The following SDK1 variants were observed in gnomAD, a reference collection of about 807,000 sequenced individuals.
SDK1 encodes the protein sidekick cell adhesion molecule 1, also known as protein sidekick-1.
Under a neutral mutation model 245.5 loss-of-function variants are expected in SDK1, and 157 were observed. The observed-to-expected ratio is 0.64, with a 90% CI of 0.56 to 0.73. The LOEUF is 0.73. Ranked by LOEUF, SDK1 falls within the 30% of genes least tolerant of loss-of-function variation. The pLI is 0.00. For missense variants in SDK1, 3,583 were observed against 3,002.3 expected, an observed-to-expected ratio of 1.19 and a Z score of -4.52; for synonymous variants, 1,647 against 1,278.5, an observed-to-expected ratio of 1.29 and a Z score of -6.15.
At chr7:4,244,513 C>G (rs937976802) in intron 43 of SDK1, among the ~76,000 whole-genome samples, 1 of 152,216 alleles carries the variant, frequency 6.6e-6, no homozygotes, top group African/African-American at 2.4e-5. Flanking sequence ...AGAAGCTGGG[C>G]TTTTACTCAG....
chr7:3,770,935 G>C (rs915061665), intron 4 of SDK1, among the ~76,000 whole-genome samples: 2 of 152,114 alleles, frequency 1.3e-5, no homozygotes, highest in Non-Finnish European at 2.9e-5. Flanking sequence ...TCCAGTCCTG[G>C]GGTCCCTAGC....
intron 1 of SDK1, among the ~76,000 whole-genome samples, chr7:3,356,760 A>C (rs1474608052): frequency 6.6e-6 from 1 of 152,134 alleles, no homozygotes; most frequent in Non-Finnish European, 1.5e-5. Context: ...TTTGTACAAA[A>C]AATACATCTT....
intron 4 of SDK1, among the ~76,000 whole-genome samples, chr7:3,790,529 C>T (rs957882655): frequency 1.3e-5 from 2 of 152,098 alleles, no homozygotes; most frequent in Non-Finnish European, 2.9e-5. Context: ...TAACAGTCGG[C>T]CAGGCGTGGT....
chr7:4,157,405 GAATGAAGAA>G, intron 30 of SDK1, among the ~76,000 whole-genome samples: 1 of 85,086 alleles, frequency 1.2e-5, no homozygotes, highest in African/African-American at 6.7e-5. Context: ...AGGGAGGGAG[GAATGAAGAA>G]AAGGAGGGAA....
intron 1 of SDK1, among the ~76,000 whole-genome samples, chr7:3,314,884 T>C (rs1228359086): frequency 3.3e-5 from 5 of 149,382 alleles, no homozygotes; most frequent in Non-Finnish European, 7.4e-5. Context: ...ATACATCCTA[T>C]TGGCAACAAA....
intron 17 of SDK1, among the ~76,000 whole-genome samples, chr7:4,041,377 A>G (rs1396944608): frequency 6.6e-6 from 1 of 151,718 alleles, no homozygotes; most frequent in Non-Finnish European, 1.5e-5. Context: ...CCCAACATGT[A>G]CAAAGCCTCT....
chr7:3,348,730 TA>T (rs1435961618), intron 1 of SDK1, among the ~76,000 whole-genome samples: 3 of 152,192 alleles, frequency 2.0e-5, no homozygotes, highest in Non-Finnish European at 4.4e-5. Flanking sequence ...AGTGAGCTGT[TA>T]TTTTTTTTAA....
chr7:3,949,178 C>G (rs1288523194), intron 5 of SDK1, among the ~76,000 whole-genome samples: 2 of 152,192 alleles, frequency 1.3e-5, no homozygotes, highest in Admixed American at 6.5e-5. Flanking sequence ...GTTGGAGAGT[C>G]TAGAGATGGG....
intron 35 of SDK1, among the ~76,000 whole-genome samples, chr7:4,196,541 T>C (rs1158071395): frequency 6.6e-6 from 1 of 152,154 alleles, no homozygotes; most frequent in East Asian, 1.9e-4. Flanking sequence ...CCCCTTGCTC[T>C]CCACGCCGTA....
intron 5 of SDK1, among the ~76,000 whole-genome samples, chr7:3,898,260 C>G (rs1311701706): frequency 6.6e-6 from 1 of 152,118 alleles, no homozygotes; most frequent in Non-Finnish European, 1.5e-5. Context: ...GACCTGAAAC[C>G]TGAGAGTCGG....
chr7:3,434,993 T>A (rs555206605), intron 1 of SDK1, among the ~76,000 whole-genome samples: 3 of 152,324 alleles, frequency 2.0e-5, no homozygotes, highest in Non-Finnish European at 2.9e-5. Flanking sequence ...ATACTTTTCC[T>A]AACTGTCAAA....
intron 4 of SDK1, among the ~76,000 whole-genome samples, chr7:3,713,513 C>T (rs570739561): frequency 1.3e-5 from 2 of 152,320 alleles, no homozygotes; most frequent in East Asian, 1.9e-4. Context: ...GTCTCTCCCC[C>T]ACCCGCAGCA....
chr7:3,884,578 C>A (rs1338248023), intron 5 of SDK1, among the ~76,000 whole-genome samples: 2 of 152,174 alleles, frequency 1.3e-5, no homozygotes, highest in Non-Finnish European at 2.9e-5. Flanking sequence ...TATTTACCAT[C>A]CTTTGCATCC....
chr7:4,267,495 C>A lies in SDK1; in HGVS notation c.*2111C>A. On this transcript the variant is annotated 3_prime_UTR_variant, in exon 45 of 45. Transcript: ENST00000404826. ...GTGGACAGTGCCACCTCCTTCCCCT[C>A]GGCCCCGGAGAGGGCGAAGTGGGCG... The A allele has an allele frequency of 2.0e-6, 2 of 985,454 alleles. No homozygotes were observed. Among genetic ancestry groups the A allele is most frequent in the Non-Finnish European group, 2.4e-6 (2 of 829,942 alleles). 61.0% of individuals were successfully genotyped at this position (985,454 alleles called of 1,614,324 possible).
At chr7:3,946,154 AC>A (rs1554286261) in intron 5 of SDK1, among the ~76,000 whole-genome samples, 1 of 148,242 alleles carries the variant, frequency 6.7e-6, no homozygotes, top group Non-Finnish European at 1.5e-5. Context: ...CAATGTATAA[AC>A]CCCCCTACAC....
intron 1 of SDK1, among the ~76,000 whole-genome samples, chr7:3,420,281 A>T (rs1174232114): frequency 6.6e-6 from 1 of 152,220 alleles, no homozygotes; most frequent in East Asian, 1.9e-4. Flanking sequence ...GTTTAACAGA[A>T]AAGATTTTAA....
intron 1 of SDK1, among the ~76,000 whole-genome samples, chr7:3,342,595 A>C (rs1780377482): frequency 6.6e-6 from 1 of 152,150 alleles, no homozygotes; most frequent in East Asian, 1.9e-4. Flanking sequence ...TCTCAAAAAA[A>C]AGAAAAAAAA....
At chr7:3,917,192 A>C (rs2128111248) in intron 5 of SDK1, among the ~76,000 whole-genome samples, 1 of 152,338 alleles carries the variant, frequency 6.6e-6, no homozygotes, top group East Asian at 1.9e-4. Flanking sequence ...TCACTAAATA[A>C]AAATCAATCA....
chr7:3,380,920 A>G (rs1394901290), intron 1 of SDK1, among the ~76,000 whole-genome samples: 1 of 152,214 alleles, frequency 6.6e-6, no homozygotes, highest in African/African-American at 2.4e-5. Context: ...TTTAGCTGCA[A>G]GGAAACCTGA....
Sources: gnomAD v4.1 joint callset for allele counts (sites outside exome capture counted in the v4.1 genomes callset) on GRCh38, gnomAD v4.1.1 for gene constraint, MANE v1.5 for transcripts, NCBI Gene and HGNC (gene_info 2026-07-23, HGNC 2026-07-21) for gene names.